The following TNRC18 variants were observed in gnomAD, a reference collection of about 807,000 sequenced individuals.
The protein encoded by TNRC18 is trinucleotide repeat containing 18.
In TNRC18, 69 loss-of-function variants were observed where a neutral mutation model predicts 226.7. The ratio of observed to expected loss-of-function variants is 0.30; its 90% CI spans 0.25 to 0.37. The LOEUF (loss-of-function observed/expected upper bound fraction) is 0.37. TNRC18 is among the 10% of genes least tolerant of loss of function. TNRC18 has a pLI of 1.00. For missense variants in TNRC18, 4,754 were observed against 4,256.6 expected (o/e 1.12, Z -3.25); for synonymous variants, 2,449 against 1,927.6 (o/e 1.27, Z -7.09).
In TNRC18 at chr7:5,387,657, C is replaced by G. The variant is rs1388901524; in HGVS notation, c.2152+15G>C. On this transcript the variant is annotated intron_variant, in intron 5 of 29. Transcript: ENST00000430969. ...CCAAGATCCTACCCGCACCTGGGCT[C>G]TGCCCAGGACCTACCTTTGACGTTA... The G allele has an allele frequency of 6.2e-7, 1 of 1,601,910 alleles. No individual in the cohort carries two copies. The highest frequency in any genetic ancestry group is 1.1e-5 in the South Asian group (1 of 91,058).
At chr7:5,416,502 CTT>C (rs1386178587) in intron 2 of TNRC18, among the ~76,000 whole-genome samples, 1 of 152,248 alleles carries the variant, frequency 6.6e-6, no homozygotes, top group African/African-American at 2.4e-5. Context: ...AGGATGATCT[CTT>C]GAGCCCAGGA....
intron 12 of TNRC18, among the ~76,000 whole-genome samples, 195 bp from the exon 13 acceptor site, chr7:5,362,228 G>C (rs1161659694): frequency 6.6e-6 from 1 of 152,214 alleles, no homozygotes; most frequent in African/African-American, 2.4e-5. Context: ...CTGCGGGGCT[G>C]TGGCAGTGCT....
At chr7:5,416,052 T>C (rs1782162719) in intron 2 of TNRC18, among the ~76,000 whole-genome samples, 1 of 143,450 alleles carries the variant, frequency 7.0e-6, no homozygotes, top group Non-Finnish European at 1.5e-5. Context: ...GTGGAGGTTG[T>C]GGTGAGCCTA....
intron 2 of TNRC18, among the ~76,000 whole-genome samples, chr7:5,412,736 T>G (rs992570309): frequency 6.6e-6 from 1 of 152,090 alleles, no homozygotes; most frequent in Admixed American, 6.6e-5. Context: ...CATCCACACC[T>G]CAGCTTGGAG....
chr7:5,391,363 G>A (rs1780285241), intron 3 of TNRC18, among the ~76,000 whole-genome samples: 1 of 151,622 alleles, frequency 6.6e-6, no homozygotes, highest in Non-Finnish European at 1.5e-5. Flanking sequence ...CCAGGCTGGA[G>A]TGCAGTGGCA....
chr7:5,365,868 G>A (rs888595115), intron 11 of TNRC18, among the ~76,000 whole-genome samples: 1 of 152,012 alleles, frequency 6.6e-6, no homozygotes, highest in South Asian at 2.1e-4. Context: ...TCAGGAGTTC[G>A]AGACCAGCCT....
chr7:5,319,581 T>A (rs1170089941), intron 24 of TNRC18, among the ~76,000 whole-genome samples: 1 of 152,196 alleles, frequency 6.6e-6, no homozygotes, highest in Non-Finnish European at 1.5e-5. Flanking sequence ...CAATCCTGGC[T>A]CACTGCAACC....
chr7:5,374,838 G>A (rs1380026466), intron 9 of TNRC18, among the ~76,000 whole-genome samples: 2 of 152,234 alleles, frequency 1.3e-5, no homozygotes, highest in Admixed American at 6.5e-5. Flanking sequence ...CCCACACCTC[G>A]ATGGCATTGG....
intron 11 of TNRC18, among the ~76,000 whole-genome samples, chr7:5,366,230 C>G (rs1215184137): frequency 6.7e-6 from 1 of 150,360 alleles, no homozygotes; most frequent in African/African-American, 2.4e-5. Context: ...TCCCCCCAAG[C>G]TGTGACAACC....
At chr7:5,416,808 T>C (rs567069738) in intron 2 of TNRC18, among the ~76,000 whole-genome samples, 44 of 151,360 alleles carry the variant, frequency 2.9e-4, no homozygotes, top group African/African-American at 3.2e-4. Context: ...CTGGACAACA[T>C]AGCAAGACCC....
chr7:5,327,640 TTTTC>T (rs1789072440), intron 19 of TNRC18, among the ~76,000 whole-genome samples: 1 of 152,164 alleles, frequency 6.6e-6, no homozygotes, highest in Non-Finnish European at 1.5e-5. Context: ...TGGATTTTTC[TTTTC>T]TTTATCTTCC....
At chr7:5,355,749 G>A (rs1792300456) in intron 16 of TNRC18, among the ~76,000 whole-genome samples, 1 of 152,054 alleles carries the variant, frequency 6.6e-6, no homozygotes, top group Non-Finnish European at 1.5e-5. Flanking sequence ...GTGTGGTGGT[G>A]CTCACCTAGT....
chr7:5,344,443 A>G, intron 18 of TNRC18, among the ~76,000 whole-genome samples: 1 of 152,122 alleles, frequency 6.6e-6, no homozygotes, highest in East Asian at 1.9e-4. Context: ...CCTGGAGCCC[A>G]GCAAACAATG....
chr7:5,391,803 C>G (rs1780318744), intron 3 of TNRC18, among the ~76,000 whole-genome samples: 1 of 144,792 alleles, frequency 6.9e-6, no homozygotes, highest in Non-Finnish European at 1.5e-5. Flanking sequence ...TTGAGACCAG[C>G]CTGGGAAACA....
Position 5,313,426 on chromosome 7 carries a change from C to T in TNRC18, c.7465G>A (p.Ala2489Thr), listed in dbSNP as rs751931178. The T allele has an allele frequency of 1.2e-6, 2 of 1,607,646 alleles. No homozygotes were observed. The highest frequency in any genetic ancestry group is 1.7e-6 in the Non-Finnish European group (2 of 1,177,654). Reference protein sequence around the residue: ...EALLLREDPGAGGWQEPKSLL... With the variant: ...EALLLREDPGTGGWQEPKSLL... ...CTCTTGGGCTCCTGCCAGCCCCCCGCCCCCGGATCCTCCCGGAGCAGCAGG... is the reference window on the plus strand; with the variant it reads ...CTCTTGGGCTCCTGCCAGCCCCCCGTCCCCGGATCCTCCCGGAGCAGCAGG... Residue 2489 changes from alanine (A) to threonine (T), a missense_variant, in exon 27 of 30, where the codon GCG becomes ACG. Ala to Thr is a moderately conservative substitution (Grantham distance 58). Transcript: ENST00000430969.
rs1015199065 is a variant in TNRC18, at chr7:5,309,022, G to A, written c.8626-73C>T. On this transcript the variant is annotated intron_variant, in intron 28 of 29. Transcript: ENST00000430969. The surrounding 1 kb of genome is among the most constrained non-coding windows in gnomAD (Gnocchi z 5.7). ...CACCCGACCCCAGGCCCCAGGACAG[G>A]GCTGACCCACTGGGCAGGGCTGCTG... 3.5e-5 allele frequency: 54 copies of A among 1,530,166 alleles called. No homozygotes were observed. Among genetic ancestry groups the A allele is most frequent in the Non-Finnish European group, 4.5e-5 (51 of 1,126,316 alleles). The allele number at this position is 1,530,166 out of a possible 1,614,324, so 94.8% of individuals were successfully genotyped here. A position where few individuals can be genotyped will look rare whatever the true frequency, so the allele number is the denominator to read the frequency against.
In TNRC18 at chr7:5,377,541, T is replaced by C; in HGVS notation, c.2291A>G (p.His764Arg). The C allele has an allele frequency of 1.9e-6, 3 of 1,590,194 alleles. No individual in the cohort carries two copies. The highest frequency in any genetic ancestry group is 1.7e-6 in the Non-Finnish European group (2 of 1,168,888). ...SKELADLARL[H>R]PTSCAPNGLN... The stretch of plus-strand genomic sequence containing the variant: ...GCCGTTAGGAGCACAGCTGGTAGGG[T>C]GCAGGCGGGCCAGGTCAGCCAGCTC... Residue 764 changes from histidine (H) to arginine (R), a missense_variant, in exon 7 of 30, where the codon CAC (histidine) becomes CGC (arginine). Coordinates refer to ENST00000430969, the MANE Select transcript of TNRC18 (RefSeq NM_001080495.3). The surrounding 1 kb of genome is among the most constrained non-coding windows in gnomAD (Gnocchi z 5.8).
In TNRC18 at chr7:5,423,831, A is replaced by T. The variant is rs1484368275; in HGVS notation, c.-634T>A. On this transcript the variant is annotated 5_prime_UTR_variant, in exon 1 of 30. Coordinates refer to ENST00000430969, the MANE Select transcript of TNRC18 (RefSeq NM_001080495.3). ...CCCCCTTTCAAGTTCCTCTCGCAGG[A>T]TCTAAAAAAAAAAAAAAAAAGGCAG... is the stretch of plus-strand genomic sequence containing the variant. Among the ~76,000 whole-genome samples the T allele has an allele frequency of 4.9e-5, 7 of 142,090 alleles. No individual in the cohort carries two copies. The highest frequency in any genetic ancestry group is 3.5e-4 in the Admixed American group (5 of 14,240). The allele number at this position is 142,090 out of a possible 152,430, so 93.2% of individuals were successfully genotyped here. A position where few individuals can be genotyped will look rare whatever the true frequency, so the allele number is the denominator to read the frequency against.
intron 5 of TNRC18, among the ~76,000 whole-genome samples, chr7:5,381,891 G>A (rs1006339386): frequency 6.6e-4 from 100 of 151,402 alleles, no homozygotes; most frequent in Non-Finnish European, 4.9e-4. Context: ...ACTTGAACCC[G>A]GGAGGCGGAG....
Sources: allele counts gnomAD v4.1 joint callset (sites outside exome capture counted in the v4.1 genomes callset), GRCh38; gene constraint gnomAD v4.1.1; non-coding constraint Gnocchi (gnomAD v3.1); transcripts MANE v1.5; gene names NCBI Gene and HGNC (gene_info 2026-07-23, HGNC 2026-07-21).